TENM3: variants seen among roughly 807,000 people sequenced by gnomAD.
TENM3 encodes the protein teneurin transmembrane protein 3, also known as teneurin-3.
A neutral mutation model predicts 255.1 loss-of-function variants in TENM3; 63 were observed. That is an observed-to-expected ratio of 0.25 (90% confidence interval 0.20 to 0.30). TENM3 has a LOEUF of 0.30. TENM3 is among the 10% of genes least tolerant of loss of function. The pLI is 1.00. For synonymous variants in TENM3, 1,306 were observed against 1,322.3 expected (o/e 0.99, Z 0.27); for missense variants, 2,929 against 3,461.1 (o/e 0.85, Z 3.86).
At chr4:182,039,048 C>G in the TENM3 span, among the ~76,000 whole-genome samples, 6 of 152,044 alleles carry the variant, frequency 3.9e-5, no homozygotes, top group Admixed American at 6.6e-5. Flanking sequence ...ATAACATAGT[C>G]TAAAAGATGA....
At chr4:182,696,685 A>G (rs1285401135) in intron 12 of TENM3, among the ~76,000 whole-genome samples, 2 of 152,048 alleles carry the variant, frequency 1.3e-5, no homozygotes, top group East Asian at 1.9e-4. Flanking sequence ...AGATTGTGCC[A>G]CTGCACTCCA....
intron 3 of TENM3, among the ~76,000 whole-genome samples, chr4:182,553,319 G>A (rs1280120445): frequency 6.8e-6 from 1 of 146,618 alleles, no homozygotes; most frequent in Admixed American, 7.1e-5. Context: ...TCATAGGTGG[G>A]AATTGAACAA....
chr4:181,871,231 T>C, the TENM3 span, among the ~76,000 whole-genome samples: 1 of 152,046 alleles, frequency 6.6e-6, no homozygotes, highest in Admixed American at 6.6e-5. Flanking sequence ...CCATTTTAGA[T>C]CCTTTACAAT....
At chr4:182,499,883 A>G (rs1175736755) in intron 3 of TENM3, among the ~76,000 whole-genome samples, 1 of 152,206 alleles carries the variant, frequency 6.6e-6, no homozygotes, top group Non-Finnish European at 1.5e-5. Flanking sequence ...ATAATGCTGT[A>G]TACATAAACA....
chr4:182,044,163 C>T, the TENM3 span, among the ~76,000 whole-genome samples: 2 of 152,080 alleles, frequency 1.3e-5, no homozygotes, highest in Non-Finnish European at 2.9e-5. Flanking sequence ...CAAAAGTTAC[C>T]ATCCACATAC....
chr4:182,778,314 G>T (rs575940463), intron 24 of TENM3, among the ~76,000 whole-genome samples: 1 of 152,134 alleles, frequency 6.6e-6, no homozygotes, highest in African/African-American at 2.4e-5. Flanking sequence ...AAAGCCAAAC[G>T]TGTGTTTAAA....
chr4:182,468,067 C>A (rs776076706), intron 3 of TENM3, among the ~76,000 whole-genome samples: 4 of 152,124 alleles, frequency 2.6e-5, no homozygotes, highest in Non-Finnish European at 5.9e-5. Flanking sequence ...ATAGGCATTA[C>A]ATTTATGAAA....
chr4:182,348,431 T>C (rs1393516370), intron 3 of TENM3, among the ~76,000 whole-genome samples: 1 of 152,144 alleles, frequency 6.6e-6, no homozygotes, highest in Non-Finnish European at 1.5e-5. Flanking sequence ...ATAGCACTCC[T>C]TGAGCAATGG....
At chr4:182,505,235 AT>A (rs1052445926) in intron 3 of TENM3, among the ~76,000 whole-genome samples, 1 of 151,974 alleles carries the variant, frequency 6.6e-6, no homozygotes, top group African/African-American at 2.4e-5. Flanking sequence ...ATACCCTAGC[AT>A]TTTTTTACTC....
At chr4:181,801,651 A>ATATATATAT in the TENM3 span, among the ~76,000 whole-genome samples, 2 of 80,948 alleles carry the variant, frequency 2.5e-5, no homozygotes, top group African/African-American at 8.6e-5. Flanking sequence ...AGAATTGTAA[A>ATATATATAT]ATATATATAT....
the TENM3 span, among the ~76,000 whole-genome samples, chr4:181,969,047 TC>T: frequency 1.3e-5 from 2 of 151,576 alleles, no homozygotes; most frequent in South Asian, 4.2e-4. Flanking sequence ...TGTAATAATT[TC>T]CCCCATACAC....
chr4:182,211,908 C>G (rs1052787778), intron 1 of TENM3, among the ~76,000 whole-genome samples: 3 of 152,036 alleles, frequency 2.0e-5, no homozygotes, highest in African/African-American at 7.2e-5. Flanking sequence ...AACACTTAAC[C>G]GAAAGGTTTT....
the TENM3 span, among the ~76,000 whole-genome samples, chr4:181,638,688 A>T: frequency 6.6e-6 from 1 of 152,226 alleles, no homozygotes; most frequent in Non-Finnish European, 1.5e-5. Flanking sequence ...AAAACATAAT[A>T]CATCAATTGT....
upstream of TENM3, among the ~76,000 whole-genome samples, chr4:182,241,554 C>A (rs59580392): frequency 0.013 from 1,636 of 125,142 alleles, 34 homozygotes; most frequent in African/African-American, 0.051. Flanking sequence ...GAGTCTTACT[C>A]TGTTGCTCTG....
At chr4:181,757,171 C>A in the TENM3 span, among the ~76,000 whole-genome samples, 1 of 152,200 alleles carries the variant, frequency 6.6e-6, no homozygotes, top group Admixed American at 6.5e-5. Context: ...ACTTTACACC[C>A]ATGTGGTTTC....
intron 3 of TENM3, among the ~76,000 whole-genome samples, chr4:182,565,253 A>G (rs1176970454): frequency 6.6e-6 from 1 of 152,168 alleles, no homozygotes; most frequent in Admixed American, 6.5e-5. Context: ...TTAGTTTAAC[A>G]CTCAAGATAA....
the TENM3 span, among the ~76,000 whole-genome samples, chr4:181,702,101 G>C: frequency 2.6e-5 from 4 of 152,166 alleles, no homozygotes; most frequent in African/African-American, 9.7e-5. Flanking sequence ...TGCACACTAT[G>C]GTCTTGTTAA....
At chr4:181,812,559 T>C in the TENM3 span, among the ~76,000 whole-genome samples, 1 of 152,234 alleles carries the variant, frequency 6.6e-6, no homozygotes, top group Non-Finnish European at 1.5e-5. Context: ...AGACAGTGAC[T>C]GGACTTAAAT....
chr4:182,295,340 T>A (rs958714167), intron 1 of TENM3, among the ~76,000 whole-genome samples: 2 of 142,024 alleles, frequency 1.4e-5, no homozygotes, highest in African/African-American at 5.3e-5. Flanking sequence ...CGATCTCGGC[T>A]CACTGCAACC....
Sources: gnomAD v4.1 joint callset for allele counts (sites outside exome capture counted in the v4.1 genomes callset) on GRCh38, gnomAD v4.1.1 for gene constraint, MANE v1.5 for transcripts, NCBI Gene and HGNC (gene_info 2026-07-23, HGNC 2026-07-21) for gene names.